The following ZNF385D variants were observed in gnomAD, a reference collection of about 807,000 sequenced individuals.
ZNF385D encodes zinc finger protein 659.
In ZNF385D, 15 loss-of-function variants were observed where a neutral mutation model predicts 35.8. The ratio of observed to expected loss-of-function variants is 0.42; its 90% CI spans 0.28 to 0.64. The LOEUF is 0.64. ZNF385D is among the 30% of genes least tolerant of loss of function. The pLI, the probability that ZNF385D is intolerant of heterozygous loss-of-function variation, is 0.23. For synonymous variants in ZNF385D, 212 were observed against 186.8 expected, an observed-to-expected ratio of 1.13 and a Z score of -1.10; for missense variants, 474 against 494.6, an observed-to-expected ratio of 0.96 and a Z score of 0.39.
chr3:22,208,664 T>C (rs1576498163), intron 2 of ZNF385D, among the ~76,000 whole-genome samples: 1 of 151,830 alleles, frequency 6.6e-6, no homozygotes, highest in East Asian at 1.9e-4. Flanking sequence ...TCAAAATATC[T>C]TATGTACCCC....
chr3:21,466,142 C>A (rs1703501066), intron 4 of ZNF385D, among the ~76,000 whole-genome samples: 1 of 152,144 alleles, frequency 6.6e-6, no homozygotes, highest in African/African-American at 2.4e-5. Flanking sequence ...TATACCACCC[C>A]ATGCATCCTA....
chr3:21,915,166 C>A (rs1357547308), intron 3 of ZNF385D, among the ~76,000 whole-genome samples: 1 of 151,666 alleles, frequency 6.6e-6, no homozygotes, highest in Non-Finnish European at 1.5e-5. Flanking sequence ...ACTCTAGGTG[C>A]GTTACTTGAC....
At chr3:22,191,679 CACTA>C (rs1696042005) in intron 2 of ZNF385D, among the ~76,000 whole-genome samples, 2 of 152,062 alleles carry the variant, frequency 1.3e-5, no homozygotes, top group Non-Finnish European at 1.5e-5. Context: ...AATTAAGAGA[CACTA>C]ACACAATGTG....
chr3:22,328,226 C>T (rs1694766206), intron 2 of ZNF385D, among the ~76,000 whole-genome samples: 1 of 152,004 alleles, frequency 6.6e-6, no homozygotes, highest in Non-Finnish European at 1.5e-5. Flanking sequence ...CCCCTCACTT[C>T]ATGGTCCTGC....
At chr3:21,810,779 C>A (rs2072883306) in intron 3 of ZNF385D, among the ~76,000 whole-genome samples, 1 of 151,726 alleles carries the variant, frequency 6.6e-6, no homozygotes, top group Admixed American at 6.6e-5. Context: ...TGGAGACATC[C>A]CTACACAATA....
intron 1 of ZNF385D, among the ~76,000 whole-genome samples, chr3:21,706,970 G>A (rs927464670): frequency 4.6e-5 from 7 of 152,102 alleles, no homozygotes; most frequent in East Asian, 1.9e-4. Context: ...CTCTGTATGC[G>A]TAGATACATC....
intron 3 of ZNF385D, among the ~76,000 whole-genome samples, chr3:22,100,585 C>CA (rs1207728429): frequency 1.3e-5 from 2 of 148,374 alleles, no homozygotes; most frequent in Admixed American, 1.4e-4. Context: ...ATCACAAGGA[C>CA]AAAAAACCAA....
chr3:22,172,494 T>A (rs1294139892), intron 2 of ZNF385D, among the ~76,000 whole-genome samples: 3 of 152,234 alleles, frequency 2.0e-5, no homozygotes, highest in African/African-American at 7.2e-5. Flanking sequence ...TGCACTGTTC[T>A]GACGTAAGCT....
At chr3:21,868,187 C>G (rs1697479484) in intron 3 of ZNF385D, among the ~76,000 whole-genome samples, 1 of 152,084 alleles carries the variant, frequency 6.6e-6, no homozygotes, top group Non-Finnish European at 1.5e-5. Context: ...GTGCACGATG[C>G]AGTCTCTGTT....
At chr3:21,793,170 G>C (rs1017701031) in intron 3 of ZNF385D, among the ~76,000 whole-genome samples, 2 of 152,170 alleles carry the variant, frequency 1.3e-5, no homozygotes. Flanking sequence ...CAAATGAGGA[G>C]TTGAAAGAAT....
intron 1 of ZNF385D, among the ~76,000 whole-genome samples, chr3:21,722,834 T>G (rs9817679): frequency 0.014 from 2,078 of 152,318 alleles, 53 homozygotes; most frequent in African/African-American, 0.047. Context: ...TACAGTATAT[T>G]TGGTTTCATC....
At chr3:21,659,405 C>A (rs1255933717) in intron 2 of ZNF385D, among the ~76,000 whole-genome samples, 1 of 152,052 alleles carries the variant, frequency 6.6e-6, no homozygotes, top group African/African-American at 2.4e-5. Flanking sequence ...TTTTTGAGAT[C>A]ATGACACACA....
intron 3 of ZNF385D, among the ~76,000 whole-genome samples, chr3:22,093,524 A>C (rs1473791240): frequency 6.6e-6 from 1 of 152,080 alleles, no homozygotes; most frequent in African/African-American, 2.4e-5. Flanking sequence ...TTTATAAGCA[A>C]AAAACAGTTT....
chr3:21,747,251 T>C (rs2069820387), intron 1 of ZNF385D, among the ~76,000 whole-genome samples: 1 of 152,208 alleles, frequency 6.6e-6, no homozygotes, highest in Admixed American at 6.5e-5. Flanking sequence ...TAGGTTTAAT[T>C]AATATGCCAT....
rs1214437618 is a variant in ZNF385D, at chr3:21,646,039, A to G, written c.165+18847T>C. On this transcript the variant is annotated intron_variant, in intron 2 of 7. Coordinates refer to ENST00000281523, the MANE Select transcript of ZNF385D (RefSeq NM_024697.3). The surrounding 1 kb of genome is among the most constrained non-coding windows in gnomAD (Gnocchi z 4.3). Reference sequence around the variant, plus strand: ...GCTCATTCAAAGAAGCTCGGTCCTCATTTACAGGGAATGAGAAAATACCTA... The same window carrying G: ...GCTCATTCAAAGAAGCTCGGTCCTCGTTTACAGGGAATGAGAAAATACCTA... Among the ~76,000 whole-genome samples the G allele has an allele frequency of 2.0e-5, 3 of 152,310 alleles. No individual in the cohort carries two copies. In the East Asian group the frequency reaches 5.8e-4, roughly 29 times the overall value.
At chr3:21,664,157 T>C (rs972534613) in intron 2 of ZNF385D, among the ~76,000 whole-genome samples, 2 of 151,096 alleles carry the variant, frequency 1.3e-5, no homozygotes, top group African/African-American at 4.8e-5. Context: ...TTTCAACCCT[T>C]ATTTCAATTT....
chr3:21,894,836 G>C (rs577623341), intron 3 of ZNF385D, among the ~76,000 whole-genome samples: 2 of 152,028 alleles, frequency 1.3e-5, no homozygotes, highest in African/African-American at 4.8e-5. Context: ...AAGAAACGTA[G>C]AGCTTGACAC....
chr3:22,127,074 G>A (rs1209265738), intron 3 of ZNF385D, among the ~76,000 whole-genome samples: 1 of 151,826 alleles, frequency 6.6e-6, no homozygotes, highest in Non-Finnish European at 1.5e-5. Flanking sequence ...GTCTTTACAG[G>A]TGAAATGTGT....
At position 21,539,449 on chromosome 3, in the gene ZNF385D, T is replaced by C. The variant is rs2062119887; in HGVS notation, c.276+25125A>G. On this transcript the variant is annotated intron_variant, in intron 3 of 7. Coordinates refer to ENST00000281523, the MANE Select transcript of ZNF385D (RefSeq NM_024697.3). The surrounding 1 kb of genome is among the most constrained non-coding windows in gnomAD (Gnocchi z 4.0). ...ATCACTGTCATAGGCAGTTCAACCATAAAAGAAATTTTAATTTTTGTAATT... is the reference window on the plus strand; with the variant it reads ...ATCACTGTCATAGGCAGTTCAACCACAAAAGAAATTTTAATTTTTGTAATT... Among the ~76,000 whole-genome samples, 1 of 152,196 alleles carries C rather than the reference T, an allele frequency of 6.6e-6. No individual in the cohort carries two copies. Among genetic ancestry groups the C allele is most frequent in the South Asian group, 2.1e-4 (1 of 4,828 alleles).
Sources: gnomAD v4.1 joint callset for allele counts (sites outside exome capture counted in the v4.1 genomes callset) on GRCh38, gnomAD v4.1.1 for gene constraint, Gnocchi (gnomAD v3.1) non-coding constraint, MANE v1.5 for transcripts, NCBI Gene and HGNC (gene_info 2026-07-23, HGNC 2026-07-21) for gene names.